Variants in ARHGEF3 observed in about 807,000 individuals in gnomAD.
ARHGEF3 encodes 59.8 kDA protein.
ARHGEF3 carries 28 observed loss-of-function variants against 63.2 expected under a neutral mutation model. The observed-to-expected ratio is 0.44, with a 90% CI of 0.33 to 0.61. The LOEUF is 0.61. ARHGEF3 is among the 20% of genes least tolerant of loss of function. ARHGEF3 has a pLI of 0.03. For missense variants in ARHGEF3, 533 were observed against 659.3 expected (o/e 0.81, Z 2.10); for synonymous variants, 266 against 254.2 (o/e 1.05, Z -0.44).
At chr3:56,997,229 ACCCTCATGACCT>A (rs1330143277) in intron 2 of ARHGEF3, among the ~76,000 whole-genome samples, 1 of 151,896 alleles carries the variant, frequency 6.6e-6, no homozygotes, top group African/African-American at 2.4e-5. Context: ...AGTCTTTCTG[ACCCTCATGACCT>A]CCCTCAGGAT....
intron 3 of ARHGEF3, among the ~76,000 whole-genome samples, chr3:56,944,568 C>CTTTTTTTT (rs1205155655): frequency 0.016 from 1,082 of 65,782 alleles, 48 homozygotes; most frequent in East Asian, 0.029. Flanking sequence ...AAAGTGGTTT[C>CTTTTTTTT]TTTTTTTTTT....
Position 56,823,632 on chromosome 3 carries a change from C to CT in ARHGEF3, c.193-49817dup, listed in dbSNP as rs369091817. 3.8e-3 allele frequency among the ~76,000 whole-genome samples: 573 copies of CT among 152,246 alleles called. 5 individuals carry two copies. Among genetic ancestry groups the CT allele is most frequent in the African/African-American group, 0.013 (554 of 41,530 alleles). ...CTTGATTAAAAAGCTGATATGTGCC[C>CT]TTGTGTATTTCTTTTGCCATAAATG... On this transcript the variant is annotated intron_variant, in intron 4 of 12. Coordinates refer to the ARHGEF3 transcript ENST00000338458.
chr3:56,882,668 G>A (rs375454624), intron 3 of ARHGEF3, among the ~76,000 whole-genome samples: 143 of 151,734 alleles, frequency 9.4e-4, no homozygotes, highest in African/African-American at 3.2e-3. Flanking sequence ...ATAGGCACAC[G>A]CCACCACGCC....
intron 3 of ARHGEF3, among the ~76,000 whole-genome samples, chr3:56,958,318 AAT>A (rs1491402822): frequency 1.4e-5 from 2 of 141,282 alleles, no homozygotes; most frequent in African/African-American, 5.3e-5. Context: ...GGGCCACTTG[AAT>A]TTTTTTTTTT....
intron 3 of ARHGEF3, 101 bp downstream of exon 3, chr3:56,754,880 A>C: frequency 6.8e-7 from 1 of 1,466,932 alleles, no homozygotes; most frequent in South Asian, 1.2e-5. Flanking sequence ...AAACGCAATG[A>C]AGAATTGATT....
At chr3:56,953,204 A>G (rs574622241) in intron 3 of ARHGEF3, among the ~76,000 whole-genome samples, 2 of 152,334 alleles carry the variant, frequency 1.3e-5, no homozygotes, top group South Asian at 2.1e-4. Flanking sequence ...GCCACAATAC[A>G]TACTGACCTG....
intron 1 of ARHGEF3, among the ~76,000 whole-genome samples, chr3:57,058,224 A>T (rs1313706361): frequency 6.6e-6 from 1 of 152,180 alleles, no homozygotes; most frequent in African/African-American, 2.4e-5. Flanking sequence ...TAGTATTACC[A>T]CTTGCTCCCT....
intron 2 of ARHGEF3, among the ~76,000 whole-genome samples, chr3:56,756,466 G>A (rs2035070281): frequency 6.6e-6 from 1 of 150,504 alleles, no homozygotes; most frequent in South Asian, 2.1e-4. Flanking sequence ...CCCTAAATAT[G>A]TCATGCTTTG....
At chr3:56,781,837 T>C (rs532480861) in intron 1 of ARHGEF3, among the ~76,000 whole-genome samples, 1 of 152,272 alleles carries the variant, frequency 6.6e-6, no homozygotes, top group African/African-American at 2.4e-5. Context: ...TTGTGGGGAA[T>C]GTCTCCCAGC....
intron 1 of ARHGEF3, among the ~76,000 whole-genome samples, chr3:57,046,383 T>C (rs1405707610): frequency 6.6e-6 from 1 of 152,182 alleles, no homozygotes; most frequent in Non-Finnish European, 1.5e-5. Flanking sequence ...TTCTGGCACC[T>C]GAGTAAATAT....
rs985489914 is a variant in ARHGEF3, at chr3:57,040,472, G to A, written c.-27-5296C>T. On this transcript the variant is annotated intron_variant, in intron 1 of 12. Transcript: ENST00000338458. ...AGCCTGGGCGACAGAATAAGACTCC[G>A]TCAAAAGAAAAGAAAAGAAAAGAAA... 2.1e-4 allele frequency among the ~76,000 whole-genome samples: 18 copies of A among 84,034 alleles called. 1 individual carries two copies. Among genetic ancestry groups the A allele is most frequent in the South Asian group, 1.7e-3 (3 of 1,740 alleles). The allele number at this position is 84,034 out of a possible 152,430, so 55.1% of individuals were successfully genotyped here. A position where few individuals can be genotyped will look rare whatever the true frequency, so the allele number is the denominator to read the frequency against.
chr3:56,957,342 A>G (rs1700087802), intron 3 of ARHGEF3, among the ~76,000 whole-genome samples: 1 of 152,282 alleles, frequency 6.6e-6, no homozygotes, highest in South Asian at 2.1e-4. Flanking sequence ...GAATAGAACC[A>G]GTCAGAACAG....
At chr3:57,076,322 G>A (rs1195798762) in intron 1 of ARHGEF3, among the ~76,000 whole-genome samples, 1 of 152,106 alleles carries the variant, frequency 6.6e-6, no homozygotes, top group East Asian at 1.9e-4. Context: ...AGACATGACT[G>A]GGCAGCATAC....
rs374490772 is a variant in ARHGEF3, at chr3:56,919,999, TA to T, written c.130-37646del. 8.7e-4 allele frequency among the ~76,000 whole-genome samples: 132 copies of T among 152,202 alleles called. 5 individuals are homozygous for T. In the South Asian group the frequency reaches 0.022, roughly 25 times the overall value. On this transcript the variant is annotated intron_variant, in intron 3 of 12. Transcript: ENST00000338458. ...TCTGACATATTAGAGCACAAACCAC[TA>T]GAGAAGGATCGCTAACAATGGGACA...
chr3:56,732,187 A>G, intron 9 of ARHGEF3, 51 bp downstream of exon 9: 1 of 1,605,214 alleles, frequency 6.2e-7, no homozygotes, highest in South Asian at 1.1e-5. Context: ...CTCCCTCCAA[A>G]CTACCACGGC....
intron 3 of ARHGEF3, among the ~76,000 whole-genome samples, chr3:56,953,480 G>A (rs987451130): frequency 1.3e-5 from 2 of 152,168 alleles, no homozygotes; most frequent in Non-Finnish European, 2.9e-5. Context: ...AGGAAACAGA[G>A]TCCCTTTTGG....
At chr3:57,055,163 CTT>C (rs71623876) in intron 1 of ARHGEF3, among the ~76,000 whole-genome samples, 16 of 135,252 alleles carry the variant, frequency 1.2e-4, no homozygotes, top group Admixed American at 2.2e-4. Flanking sequence ...TCTCTTTATG[CTT>C]TTTTTTTTTT....
chr3:56,827,103 G>A (rs1405302961), intron 4 of ARHGEF3, among the ~76,000 whole-genome samples: 1 of 152,026 alleles, frequency 6.6e-6, no homozygotes, highest in African/African-American at 2.4e-5. Context: ...GATAAAATTT[G>A]TATCCTAAAA....
chr3:56,796,060 G>A (rs2037346039), intron 1 of ARHGEF3, among the ~76,000 whole-genome samples: 1 of 151,728 alleles, frequency 6.6e-6, no homozygotes, highest in African/African-American at 2.4e-5. Flanking sequence ...AAATGGCAAC[G>A]CAGTCACGGC....
Sources: gnomAD v4.1 joint callset for allele counts (sites outside exome capture counted in the v4.1 genomes callset) on GRCh38, gnomAD v4.1.1 for gene constraint, MANE v1.5 for transcripts, NCBI Gene and HGNC (gene_info 2026-07-23, HGNC 2026-07-21) for gene names.